UNC13C: variants seen among roughly 807,000 people sequenced by gnomAD.
The protein encoded by UNC13C is protein unc-13 homolog C.
Under a neutral mutation model 245.4 loss-of-function variants are expected in UNC13C, and 174 were observed. The ratio of observed to expected loss-of-function variants is 0.71; its 90% CI spans 0.63 to 0.80. The LOEUF is 0.80. Among genes scored for constraint, UNC13C ranks in the 30% least tolerant of loss-of-function variants. UNC13C has a pLI of 0.00. For synonymous variants in UNC13C, 992 were observed against 895.1 expected (o/e 1.11, Z -1.93); for missense variants, 2,829 against 2,602.9 (o/e 1.09, Z -1.89).
At chr15:54,254,394 A>G (rs1254451749) in intron 8 of UNC13C, among the ~76,000 whole-genome samples, 1 of 152,200 alleles carries the variant, frequency 6.6e-6, no homozygotes, top group Non-Finnish European at 1.5e-5. Context: ...TTTCAATAAC[A>G]ATTTTACAAT....
rs1368992951 is a variant in UNC13C at position 54,014,778 on chromosome 15, G to A, written c.1875G>A (p.Val625=). 1 of 1,613,828 alleles carries A rather than the reference G, an allele frequency of 6.2e-7. No individual in the cohort carries two copies. The highest frequency in any genetic ancestry group is 8.5e-7 in the Non-Finnish European group (1 of 1,179,828). The change falls in exon 2 of 33, where the codon GTG becomes GTA. Residue 625 remains valine (V), a synonymous_variant. Coordinates refer to ENST00000260323, the MANE Select transcript of UNC13C (RefSeq NM_001080534.3). ...CTGAAACTGAAAACACAGAAACTGT[G>A]GATAGTGGAATGAGTAATGGCATGG... is the stretch of plus-strand genomic sequence containing the variant. ...GQTETENTET[V]DSGMSNGMVC...
intron 1 of UNC13C, among the ~76,000 whole-genome samples, chr15:53,998,661 G>A (rs548713082): frequency 2.0e-5 from 3 of 152,112 alleles, no homozygotes; most frequent in African/African-American, 7.2e-5. Context: ...AAATACAGGT[G>A]GTGAGAGTGG....
intron 30 of UNC13C, among the ~76,000 whole-genome samples, chr15:54,573,918 A>G (rs1432684152): frequency 6.6e-6 from 1 of 152,216 alleles, no homozygotes; most frequent in Non-Finnish European, 1.5e-5. Flanking sequence ...TGGTCTGAGG[A>G]GACAGAAAAG....
chr15:54,226,394 T>C (rs1487311671), intron 4 of UNC13C, among the ~76,000 whole-genome samples: 1 of 152,240 alleles, frequency 6.6e-6, no homozygotes, highest in Non-Finnish European at 1.5e-5. Context: ...CTCTTTTCTG[T>C]ACCTCTGGTA....
chr15:54,329,108 A>C (rs1378742694), intron 14 of UNC13C, among the ~76,000 whole-genome samples: 5 of 83,678 alleles, frequency 6.0e-5, no homozygotes. Flanking sequence ...TTTTGCTTGG[A>C]TTTACCTTTT....
intron 30 of UNC13C, among the ~76,000 whole-genome samples, chr15:54,620,305 C>T (rs1900714255): frequency 2.6e-5 from 4 of 152,044 alleles, no homozygotes; most frequent in South Asian, 4.2e-4. Flanking sequence ...AGACCGCCGA[C>T]AAGCAATTTG....
chr15:54,183,581 T>C (rs1331017717), intron 4 of UNC13C, among the ~76,000 whole-genome samples: 1 of 152,038 alleles, frequency 6.6e-6, no homozygotes, highest in African/African-American at 2.4e-5. Context: ...TTTGTTTGTG[T>C]TAAAATGTCC....
chr15:54,626,960 C>T lies in UNC13C; in HGVS notation c.6492C>T (p.Ser2164=), dbSNP rs770986152. The stretch of plus-strand genomic sequence containing the variant: ...TACAGAACATAGCAGAAAAGGGAAG[C>T]TATGGGGCATGGTATCCTCTTCTGA... The part of the protein sequence containing the change: ...IQLQNIAEKG[S]YGAWYPLLKN... Residue 2164 remains serine, a synonymous_variant, in exon 33 of 33, where the codon AGC becomes AGT. Transcript: ENST00000260323. The T allele has an allele frequency of 1.9e-6, 3 of 1,613,454 alleles. No individual in the cohort carries two copies. The highest frequency in any genetic ancestry group is 1.7e-5 in the Admixed American group (1 of 59,902).
the UNC13C span, among the ~76,000 whole-genome samples, chr15:53,886,346 A>G: frequency 0.037 from 5,615 of 152,138 alleles, 358 homozygotes; most frequent in African/African-American, 0.13. Context: ...ACAAAAACAA[A>G]CCCAAACCTA....
At chr15:54,413,140 G>T (rs2040447797) in intron 18 of UNC13C, among the ~76,000 whole-genome samples, 1 of 151,852 alleles carries the variant, frequency 6.6e-6, no homozygotes, top group Admixed American at 6.6e-5. Flanking sequence ...ATAATGTATT[G>T]TTCATTTTAT....
chr15:53,927,105 A>G, the UNC13C span, among the ~76,000 whole-genome samples: 1 of 152,242 alleles, frequency 6.6e-6, no homozygotes, highest in Non-Finnish European at 1.5e-5. Context: ...TCATCCTCAT[A>G]ACCACCAGGC....
At chr15:54,298,739 C>A (rs952155612) in intron 12 of UNC13C, among the ~76,000 whole-genome samples, 2 of 152,036 alleles carry the variant, frequency 1.3e-5, no homozygotes. Flanking sequence ...AGAGGTGTCA[C>A]GGGAGACTTT....
intron 1 of UNC13C, among the ~76,000 whole-genome samples, chr15:53,996,389 T>A (rs1318654407): frequency 6.6e-6 from 1 of 152,176 alleles, no homozygotes; most frequent in Non-Finnish European, 1.5e-5. Flanking sequence ...GAAGAACCTT[T>A]TATTTCTTTA....
chr15:54,614,527 G>T (rs536307455), intron 30 of UNC13C, among the ~76,000 whole-genome samples: 1 of 151,906 alleles, frequency 6.6e-6, no homozygotes, highest in Non-Finnish European at 1.5e-5. Context: ...CAACAGCTCC[G>T]GTCTTAGGCT....
chr15:54,599,752 TG>T (rs1374881131), intron 30 of UNC13C, among the ~76,000 whole-genome samples: 1 of 152,126 alleles, frequency 6.6e-6, no homozygotes, highest in Non-Finnish European at 1.5e-5. Flanking sequence ...AAATTTTCTC[TG>T]GGTCTGTGTG....
chr15:54,240,235 T>G (rs2035815368), intron 7 of UNC13C, among the ~76,000 whole-genome samples: 1 of 152,214 alleles, frequency 6.6e-6, no homozygotes, highest in Admixed American at 6.5e-5. Context: ...AAAGCCCATT[T>G]CCCTGGGACT....
chr15:54,092,511 T>C (rs1899627068), intron 2 of UNC13C, among the ~76,000 whole-genome samples: 1 of 152,172 alleles, frequency 6.6e-6, no homozygotes, highest in East Asian at 1.9e-4. Flanking sequence ...TTTTAAATCA[T>C]GTCTTGAAGA....
chr15:54,333,567 AG>A (rs2038496413), intron 15 of UNC13C, among the ~76,000 whole-genome samples, 199 bp from the exon 16 acceptor site: 1 of 152,104 alleles, frequency 6.6e-6, no homozygotes, highest in African/African-American at 2.4e-5. Flanking sequence ...CAGCTTTCCA[AG>A]AGTAAAAATA....
intron 30 of UNC13C, among the ~76,000 whole-genome samples, chr15:54,619,376 A>G (rs115258395): frequency 2.4e-3 from 372 of 152,286 alleles, no homozygotes; most frequent in African/African-American, 8.5e-3. Context: ...CTCTAGCATT[A>G]TCCCTTATCC....
Sources: allele counts gnomAD v4.1 joint callset (sites outside exome capture counted in the v4.1 genomes callset), GRCh38; gene constraint gnomAD v4.1.1; transcripts MANE v1.5; gene names NCBI Gene and HGNC (gene_info 2026-07-23, HGNC 2026-07-21).